Variants in GTF2H1 observed in about 807,000 individuals in gnomAD.
GTF2H1 encodes BTF2 p62.
A neutral mutation model predicts 71.2 loss-of-function variants in GTF2H1; 16 were observed. That is an observed-to-expected ratio of 0.22 (90% confidence interval 0.15 to 0.34). GTF2H1 has a LOEUF of 0.34. Ranked by LOEUF, GTF2H1 falls within the 10% of genes least tolerant of loss-of-function variation. GTF2H1 has a pLI of 1.00. For synonymous variants in GTF2H1, 215 were observed against 219.0 expected (o/e 0.98, Z 0.16); for missense variants, 498 against 648.2 (o/e 0.77, Z 2.52).
At chr11:18,350,779 A>AT (rs1865403804) in intron 9 of GTF2H1, among the ~76,000 whole-genome samples, 1 of 152,240 alleles carries the variant, frequency 6.6e-6, no homozygotes, top group Non-Finnish European at 1.5e-5. Context: ...AGGATGAAAT[A>AT]TTTCAAGGCT....
At chr11:18,334,075 C>CTACTAAAAATACAAAAA (rs1864964576) in intron 2 of GTF2H1, among the ~76,000 whole-genome samples, 2 of 152,134 alleles carry the variant, frequency 1.3e-5, no homozygotes, top group African/African-American at 4.8e-5. Flanking sequence ...AACCCCATTT[C>CTACTAAAAATACAAAAA]TACTAAAAAT....
chr11:18,324,718 T>G (rs1268445560), intron 1 of GTF2H1, among the ~76,000 whole-genome samples: 1 of 151,434 alleles, frequency 6.6e-6, no homozygotes, highest in Non-Finnish European at 1.5e-5. Context: ...TATCAGCCAT[T>G]GACCTAGTAG....
chr11:18,336,610 C>A (rs540916092), intron 3 of GTF2H1, among the ~76,000 whole-genome samples: 2 of 152,082 alleles, frequency 1.3e-5, no homozygotes, highest in Non-Finnish European at 2.9e-5. Flanking sequence ...GGAGCAGAAC[C>A]GGGATTGGAA....
chr11:18,340,004 C>A (rs1865120089), intron 5 of GTF2H1, among the ~76,000 whole-genome samples: 2 of 151,376 alleles, frequency 1.3e-5, no homozygotes, highest in Non-Finnish European at 3.0e-5. Context: ...TATGTGTAGA[C>A]AAGGATGAGA....
In GTF2H1 at chr11:18,351,930, C is replaced by A. The variant is rs140317286; in HGVS notation, c.1103C>A (p.Ser368Tyr). 2.0e-5 allele frequency: 32 copies of A among 1,601,246 alleles called. No homozygotes were observed. The highest frequency in any genetic ancestry group is 5.4e-5 in the African/African-American group (4 of 74,636). ...IEYEDLGKNN[S>Y]VKTIALNLKK... ...TATGAAGACTTGGGGAAAAATAATTCTGTAAAAACGATTGCACTAAACCTC... is the reference window on the plus strand; with the variant it reads ...TATGAAGACTTGGGGAAAAATAATTATGTAAAAACGATTGCACTAAACCTC... The change falls in exon 10 of 15, where the codon TCT becomes TAT. Residue 368 changes from serine to tyrosine, a missense_variant. Around this residue, in one of 3 missense-constraint regions of GTF2H1, gnomAD observed 266 missense variants for 301.6 expected, o/e 0.88. Coordinates refer to ENST00000265963, the MANE Select transcript of GTF2H1 (RefSeq NM_005316.4).
chr11:18,357,781 GT>G (rs1865593084), intron 11 of GTF2H1, among the ~76,000 whole-genome samples, 170 bp from the exon 12 acceptor site: 1 of 151,908 alleles, frequency 6.6e-6, no homozygotes, highest in South Asian at 2.1e-4. Flanking sequence ...CACGGATTGT[GT>G]TTCTGCCCTC....
At chr11:18,342,620 C>G (rs1865186900) in intron 7 of GTF2H1, among the ~76,000 whole-genome samples, 1 of 152,088 alleles carries the variant, frequency 6.6e-6, no homozygotes, top group African/African-American at 2.4e-5. Context: ...ATCACCCTTT[C>G]AGAAGTGAAG....
intron 1 of GTF2H1, among the ~76,000 whole-genome samples, chr11:18,327,956 C>T (rs924926695): frequency 2.0e-5 from 3 of 152,132 alleles, no homozygotes; most frequent in South Asian, 2.1e-4. Context: ...CGCCTGTAAT[C>T]GCAGCACTTT....
intron 11 of GTF2H1, among the ~76,000 whole-genome samples, chr11:18,352,964 G>A (rs1388439784): frequency 6.6e-6 from 1 of 152,230 alleles, no homozygotes; most frequent in Non-Finnish European, 1.5e-5. Flanking sequence ...AGTGGCTCAC[G>A]CCTGTAATCC....
At chr11:18,343,739 A>G (rs768700117) in intron 7 of GTF2H1, among the ~76,000 whole-genome samples, 4 of 152,228 alleles carry the variant, frequency 2.6e-5, no homozygotes, top group Non-Finnish European at 5.9e-5. Flanking sequence ...TTTGATTCCC[A>G]TCCTCATAAA....
At position 18,342,252 on chromosome 11, in the gene GTF2H1, C is replaced by CTTTTTTT. The variant is rs71047585; in HGVS notation, c.837+666_837+672dup. Among the ~76,000 whole-genome samples, 9 of 72,778 alleles carry CTTTTTTT rather than the reference C, an allele frequency of 1.2e-4. 1 individual carries two copies. Among genetic ancestry groups the CTTTTTTT allele is most frequent in the Admixed American group, 2.1e-4 (1 of 4,786 alleles). The allele number at this position is 72,778 out of a possible 152,430, so 47.7% of individuals were successfully genotyped here. ...TCTTATTTTTCTTCTTTTTCTGTCTCTTTTTTTTTTTTTTTTTTTTTTTTT... is the reference window on the plus strand; with the variant it reads ...TCTTATTTTTCTTCTTTTTCTGTCTCTTTTTTTTTTTTTTTTTTTTTTTTTTTTTTTT... On this transcript the variant is annotated intron_variant, in intron 7 of 14. Transcript: ENST00000265963.
At chr11:18,350,757 A>C (rs979054524) in intron 9 of GTF2H1, among the ~76,000 whole-genome samples, 1 of 152,230 alleles carries the variant, frequency 6.6e-6, no homozygotes, top group African/African-American at 2.4e-5. Context: ...GATGAATTTC[A>C]TAGCTTTGTA....
chr11:18,338,040 T>C (rs1360713340), intron 3 of GTF2H1, 69 bp from the exon 4 acceptor site: 1 of 1,057,646 alleles, frequency 9.5e-7, no homozygotes, highest in African/African-American at 1.6e-5. Context: ...GCCAAAATCT[T>C]TTTAAAATGT....
chr11:18,358,732 G>A (rs773398142), intron 13 of GTF2H1, 92 bp downstream of exon 13: 17 of 751,562 alleles, frequency 2.3e-5, no homozygotes, highest in Non-Finnish European at 3.8e-5. Context: ...CTTACCATGT[G>A]ACAGACACTG....
At chr11:18,356,319 A>G (rs148837602) in intron 11 of GTF2H1, among the ~76,000 whole-genome samples, 4,946 of 150,008 alleles carry the variant, frequency 0.033, 263 homozygotes, top group African/African-American at 0.11. Flanking sequence ...CGGAGGTTGC[A>G]GTGAGCCGAG....
chr11:18,358,138 A>G, intron 12 of GTF2H1, 96 bp downstream of exon 12: 1 of 775,594 alleles, frequency 1.3e-6, no homozygotes, highest in Non-Finnish European at 2.2e-6. Context: ...TTTCCTTGGA[A>G]TAATCCTGGG....
intron 7 of GTF2H1, among the ~76,000 whole-genome samples, chr11:18,342,252 CTTTTTTTTTTTTTTT>C (rs71047585): frequency 2.7e-5 from 2 of 72,778 alleles, no homozygotes; most frequent in East Asian, 5.3e-4. Flanking sequence ...TTTTCTGTCT[CTTTTTTTTTTTTTTT>C]TTTTTTTTTT....
chr11:18,340,396 T>A (rs1053481035), intron 5 of GTF2H1, among the ~76,000 whole-genome samples: 1 of 152,116 alleles, frequency 6.6e-6, no homozygotes, highest in Admixed American at 6.5e-5. Context: ...CAAGTGATTC[T>A]ACTGCCTCCG....
At chr11:18,335,599 A>G (rs1463301329) in intron 2 of GTF2H1, among the ~76,000 whole-genome samples, 155 bp from the exon 3 acceptor site, 2 of 152,224 alleles carry the variant, frequency 1.3e-5, no homozygotes, top group African/African-American at 2.4e-5. Flanking sequence ...GTATGGGATC[A>G]TTTAAGAAGA....
Sources: gnomAD v4.1 joint callset for allele counts (sites outside exome capture counted in the v4.1 genomes callset) on GRCh38, gnomAD v4.1.1 for gene constraint, gnomAD v4.1.1 regional missense constraint, MANE v1.5 for transcripts, NCBI Gene and HGNC (gene_info 2026-07-23, HGNC 2026-07-21) for gene names.